Variants in PLB1 observed in about 807,000 individuals in gnomAD.
The protein encoded by PLB1 is phospholipase B1.
PLB1 carries 242 observed loss-of-function variants against 227.4 expected under a neutral mutation model. That is an observed-to-expected ratio of 1.06 (90% CI 0.96 to 1.18). PLB1 has a LOEUF of 1.18. Ranked by LOEUF, PLB1 falls within the 50% of genes most tolerant of loss-of-function variation. PLB1 has a pLI of 0.00. For missense variants in PLB1, 1,858 were observed against 1,816.3 expected (o/e 1.02, Z -0.42); for synonymous variants, 757 against 682.2 (o/e 1.11, Z -1.71).
chr2:28,588,610 G>A (rs1434589757), intron 26 of PLB1, among the ~76,000 whole-genome samples: 7 of 152,200 alleles, frequency 4.6e-5, no homozygotes. Flanking sequence ...GAATGGCTGA[G>A]TCAGCCTAGA....
At chr2:28,598,555 C>A in intron 34 of PLB1, 97 bp from the exon 35 acceptor site, 1 of 930,794 alleles carries the variant, frequency 1.1e-6, no homozygotes, top group Non-Finnish European at 1.8e-6. Flanking sequence ...AGGATGATAA[C>A]ACAGCCCACT....
intron 26 of PLB1, 39 bp downstream of exon 26, chr2:28,585,881 T>A: frequency 6.6e-7 from 1 of 1,504,636 alleles, no homozygotes. Flanking sequence ...CCAGAACTGC[T>A]GTGTGATTCG....
intron 46 of PLB1, among the ~76,000 whole-genome samples, chr2:28,619,025 T>C (rs1686606604): frequency 6.6e-6 from 1 of 152,222 alleles, no homozygotes; most frequent in African/African-American, 2.4e-5. Flanking sequence ...AGATGACATA[T>C]AGGACTTGGA....
chr2:28,637,362 C>T (rs969101576), intron 56 of PLB1, among the ~76,000 whole-genome samples: 3 of 151,770 alleles, frequency 2.0e-5, no homozygotes, highest in Non-Finnish European at 2.9e-5. Flanking sequence ...GGCTTATCCC[C>T]AGAGAGTCTG....
intron 17 of PLB1, among the ~76,000 whole-genome samples, chr2:28,556,154 T>C (rs967536093): frequency 3.9e-5 from 6 of 152,346 alleles, no homozygotes; most frequent in Admixed American, 1.3e-4. Flanking sequence ...TAAGCTACCA[T>C]ACTGGTCCAA....
At chr2:28,606,236 A>G (rs568433997) in intron 42 of PLB1, among the ~76,000 whole-genome samples, 1 of 152,262 alleles carries the variant, frequency 6.6e-6, no homozygotes, top group Non-Finnish European at 1.5e-5. Flanking sequence ...CATGTTAGGC[A>G]GTTTAAGCCA....
At chr2:28,618,460 A>G in intron 46 of PLB1, 61 bp downstream of exon 46, 1 of 1,526,264 alleles carries the variant, frequency 6.6e-7, no homozygotes, top group Middle Eastern at 1.7e-4. Context: ...CCTGCGCAGA[A>G]TCTGTGCTTC....
rs747288483 is a variant in PLB1 at position 28,617,733 on chromosome 2, G to A, written c.3202G>A (p.Gly1068Ser). ...YPIKPAIENWGSDFLCTEWKA... is the reference protein window; with the variant it reads ...YPIKPAIENWSSDFLCTEWKA... Reference sequence around the variant, plus strand: ...TTTTCTCCTGTTGATTTAGAACTGGGGCAGTGACTTCCTGTGTACAGAGTG... The same window carrying A: ...TTTTCTCCTGTTGATTTAGAACTGGAGCAGTGACTTCCTGTGTACAGAGTG... The change falls in exon 45 of 58, where the codon GGC (glycine) becomes AGC (serine). Residue 1068 changes from glycine to serine, a missense_variant. Transcript: ENST00000327757. 4 of 1,614,078 alleles carry A rather than the reference G, an allele frequency of 2.5e-6. No homozygotes were observed. The Admixed American group carries it at 5.0e-5, about 20-fold the overall frequency.
intron 1 of PLB1, among the ~76,000 whole-genome samples, chr2:28,502,561 C>A (rs1017910170): frequency 2.6e-5 from 4 of 151,894 alleles, no homozygotes; most frequent in African/African-American, 9.7e-5. Flanking sequence ...GATTGTATAC[C>A]CATTGCTGGC....
chr2:28,568,974 T>C (rs1374861788), intron 20 of PLB1, among the ~76,000 whole-genome samples: 2 of 152,202 alleles, frequency 1.3e-5, no homozygotes, highest in African/African-American at 4.8e-5. Flanking sequence ...CATTCCACTT[T>C]CAAATCGCTC....
chr2:28,579,669 A>G lies in PLB1; in HGVS notation c.1528A>G (p.Ile510Val). The change falls in exon 23 of 58, where the codon ATA becomes GTA. Residue 510 changes from isoleucine (I) to valine (V), a missense_variant. Physicochemically the swap from Ile to Val is conservative, Grantham distance 29. Transcript: ENST00000327757. ...AGACTGGAAGATAATAACCCTGTTT[A>G]TAGGCGGCAATGACCTCTGTGATTT... ...QEDWKIITLF[I>V]GGNDLCDFCN... 2.5e-6 allele frequency: 4 copies of G among 1,613,548 alleles called. No homozygotes were observed. The highest frequency in any genetic ancestry group is 3.4e-6 in the Non-Finnish European group (4 of 1,179,536).
At chr2:28,618,216 C>A (rs935648840) in intron 45 of PLB1, 125 bp from the exon 46 acceptor site, 2 of 923,322 alleles carry the variant, frequency 2.2e-6, no homozygotes, top group Non-Finnish European at 3.4e-6. Context: ...ACTGCTAAAG[C>A]CTTAAGCTGA....
chr2:28,500,048 G>A (rs1413545407), intron 1 of PLB1, among the ~76,000 whole-genome samples: 2 of 151,962 alleles, frequency 1.3e-5, no homozygotes, highest in East Asian at 1.9e-4. Context: ...TGCTTTTTCC[G>A]TATTTATTGA....
chr2:28,543,364 C>CCTGCTCCTG, intron 14 of PLB1, 96 bp downstream of exon 14: 1 of 1,288,430 alleles, frequency 7.8e-7, no homozygotes. Flanking sequence ...GCAGGGCGCC[C>CCTGCTCCTG]CAGGATCCCA....
At chr2:28,527,151 T>C (rs1670371155) in intron 6 of PLB1, among the ~76,000 whole-genome samples, 1 of 152,276 alleles carries the variant, frequency 6.6e-6, no homozygotes, top group Non-Finnish European at 1.5e-5. Context: ...AAGCCACAAA[T>C]GCAGATGCCT....
At chr2:28,541,040 A>G (rs1383508845) in intron 12 of PLB1, among the ~76,000 whole-genome samples, 1 of 152,140 alleles carries the variant, frequency 6.6e-6, no homozygotes, top group African/African-American at 2.4e-5. Context: ...GCATGGTAGC[A>G]TGCACCTACA....
intron 25 of PLB1, among the ~76,000 whole-genome samples, chr2:28,584,139 C>G (rs892991538): frequency 3.9e-5 from 6 of 152,196 alleles, no homozygotes. Flanking sequence ...CTCCCTCCCC[C>G]ACAGCCTGTG....
chr2:28,543,033 G>A (rs1474875968), intron 13 of PLB1, among the ~76,000 whole-genome samples, 179 bp from the exon 14 acceptor site: 2 of 152,118 alleles, frequency 1.3e-5, no homozygotes, highest in East Asian at 3.9e-4. Flanking sequence ...TGACCTCAGG[G>A]CCCTGACCCC....
chr2:28,626,521 C>A lies in PLB1; in HGVS notation c.3660+13C>A. 1.2e-6 allele frequency: 2 copies of A among 1,611,182 alleles called. No homozygotes were observed. Among genetic ancestry groups the A allele is most frequent in the Non-Finnish European group, 1.7e-6 (2 of 1,177,318 alleles). ...CTGTGAGAATCCGGTAGGCCCCCGA[C>A]CAACCCCATGGGGACCTGAGAAGGA... is the stretch of plus-strand genomic sequence containing the variant. On this transcript the variant is annotated intron_variant, in intron 51 of 57. Coordinates refer to ENST00000327757, the MANE Select transcript of PLB1 (RefSeq NM_153021.5).
Sources: gnomAD v4.1 joint callset for allele counts (sites outside exome capture counted in the v4.1 genomes callset) on GRCh38, gnomAD v4.1.1 for gene constraint, MANE v1.5 for transcripts, NCBI Gene and HGNC (gene_info 2026-07-23, HGNC 2026-07-21) for gene names.